GOLGB1: variants seen among roughly 807,000 people sequenced by gnomAD.
GOLGB1 encodes golgin B1, also known as golgin subfamily B member 1.
In GOLGB1, 174 loss-of-function variants were observed where a neutral mutation model predicts 336.9. The observed-to-expected ratio is 0.52, with a 90% CI of 0.46 to 0.59. The LOEUF (loss-of-function observed/expected upper bound fraction) is 0.59, where lower values mean the gene tolerates loss of function less well. Ranked by LOEUF, GOLGB1 falls within the 20% of genes least tolerant of loss-of-function variation. The probability of loss-of-function intolerance (pLI) is 0.00; values close to 1 mark genes in which losing one functional copy is unlikely to be tolerated. For missense variants in GOLGB1, 3,331 were observed against 3,645.3 expected, an observed-to-expected ratio of 0.91 and a Z score of 2.22; for synonymous variants, 1,208 against 1,289.2, an observed-to-expected ratio of 0.94 and a Z score of 1.35.
At chr3:121,677,904 A>G (rs539862545) in intron 15 of GOLGB1, among the ~76,000 whole-genome samples, 1 of 152,216 alleles carries the variant, frequency 6.6e-6, no homozygotes, top group Non-Finnish European at 1.5e-5. Flanking sequence ...ATTCAAGTGC[A>G]TCTGAAGGAC....
Position 121,698,923 on chromosome 3 carries a change from T to C in GOLGB1, c.1600A>G (p.Ile534Val), listed in dbSNP as rs749772587. The C allele has an allele frequency of 3.9e-6, 6 of 1,535,176 alleles. No individual in the cohort carries two copies. Among genetic ancestry groups the C allele is most frequent in the Non-Finnish European group, 5.2e-6 (6 of 1,143,422 alleles). ...EADREVSEIS[I>V]VDIANKRSSS... ...CTCCTCTTGTTGGCAATATCAACAA[T>C]GCTGATCTATTTTTAAAAAAGAAAA... is the stretch of plus-strand genomic sequence containing the variant. The change falls in exon 13 of 22, where the codon ATT (isoleucine) becomes GTT (valine). Residue 534 changes from isoleucine to valine, a missense_variant. By Grantham distance (29) the Ile-to-Val change is conservative (BLOSUM62 3). Coordinates refer to ENST00000614479, the MANE Select transcript of GOLGB1 (RefSeq NM_001366282.2).
Position 121,691,840 on chromosome 3 carries a change from T to C in GOLGB1, c.7524A>G (p.Ala2508=), listed in dbSNP as rs1395918518. 11 of 1,613,104 alleles carry C rather than the reference T, an allele frequency of 6.8e-6. No homozygotes were observed. The highest frequency in any genetic ancestry group is 9.3e-6 in the Non-Finnish European group (11 of 1,179,642). The change falls in exon 14 of 22, where the codon GCA becomes GCG. Residue 2508 remains alanine (A), a synonymous_variant. Transcript: ENST00000614479. ...EKDQLIQEAA[A]ENNKLKEEIR... is the part of the protein sequence containing the mutation. ...TTTCTTCTTTAAGCTTATTATTCTCTGCAGCAGCCTCTTGGATGAGTTGGT... is the reference window on the plus strand; with the variant it reads ...TTTCTTCTTTAAGCTTATTATTCTCCGCAGCAGCCTCTTGGATGAGTTGGT...
chr3:121,734,116 G>T (rs760288365), intron 1 of GOLGB1, among the ~76,000 whole-genome samples: 1 of 152,104 alleles, frequency 6.6e-6, no homozygotes, highest in African/African-American at 2.4e-5. Flanking sequence ...GAAGCCAGGC[G>T]TGGTGGCTCA....
chr3:121,713,018 C>T (rs762975565), intron 10 of GOLGB1, among the ~76,000 whole-genome samples: 48 of 152,080 alleles, frequency 3.2e-4, no homozygotes, highest in Non-Finnish European at 6.0e-4. Flanking sequence ...AAAAATTAGC[C>T]GGGTGTGGTG....
Position 121,669,294 on chromosome 3 carries a change from C to T in GOLGB1, c.9239G>A (p.Ser3080Asn), listed in dbSNP as rs114033767. ...LSIQLCDTSQ[S>N]LRENQQHYGD... ...ATAGTGCTGCTGGTTCTCACGAAGA[C>T]TCTGACTGGTATCGCAGAGCTGAAT... Residue 3080 changes from serine (S) to asparagine (N), a missense_variant, in exon 18 of 22, where the codon AGT becomes AAT. Coordinates refer to ENST00000614479, the MANE Select transcript of GOLGB1 (RefSeq NM_001366282.2). The T allele has an allele frequency of 4.2e-5, 68 of 1,613,934 alleles. No homozygotes were observed. The African/African-American group carries it at 7.5e-4, about 18-fold the overall frequency.
chr3:121,724,560 A>G (rs1341283595), intron 5 of GOLGB1, among the ~76,000 whole-genome samples: 2 of 122,700 alleles, frequency 1.6e-5, no homozygotes, highest in Non-Finnish European at 3.9e-5. Context: ...AAGAAAACAG[A>G]GCAAAAAAAA....
Position 121,694,198 on chromosome 3 carries a change from C to G in GOLGB1, c.6325G>C (p.Glu2109Gln), listed in dbSNP as rs758846149. The change falls in exon 13 of 22, where the codon GAA becomes CAA. Residue 2109 changes from glutamate (E) to glutamine (Q), a missense_variant. Glu to Gln is a conservative substitution (Grantham distance 29, BLOSUM62 2). Transcript: ENST00000614479. Reference sequence around the variant, plus strand: ...ACTGATTCTTTATTTGACTGAAGTTCCTTTTTCAACTTGAGATTGTCTGCT... The same window carrying G: ...ACTGATTCTTTATTTGACTGAAGTTGCTTTTTCAACTTGAGATTGTCTGCT... ...VLADNLKLKK[E>Q]LQSNKESVKS... is the part of the protein sequence containing the mutation. 2 of 1,612,618 alleles carry G rather than the reference C, an allele frequency of 1.2e-6. No homozygotes were observed. Among genetic ancestry groups the G allele is most frequent in the Non-Finnish European group, 1.7e-6 (2 of 1,179,986 alleles).
At chr3:121,747,360 T>C (rs1947416140) in intron 1 of GOLGB1, among the ~76,000 whole-genome samples, 1 of 138,378 alleles carries the variant, frequency 7.2e-6, no homozygotes, top group Admixed American at 7.1e-5. Context: ...TGTATATACG[T>C]ATATATACGT....
At chr3:121,669,420 C>A in intron 17 of GOLGB1, 65 bp from the exon 18 acceptor site, 2 of 1,323,330 alleles carry the variant, frequency 1.5e-6, no homozygotes, top group Non-Finnish European at 2.1e-6. Flanking sequence ...GTGAAATGTT[C>A]TGAGTTTTCA....
At position 121,692,506 on chromosome 3, in the gene GOLGB1, A is replaced by G. The variant is rs758713719; in HGVS notation, c.6858T>C (p.Thr2286=). ...EVQLQQKVCD[T]LQGENKELLS... is the part of the protein sequence containing the mutation. ...AAAGTTCTTTGTTTTCCCCCTGTAG[A>G]GTATCACAGACCTTCTGCTGAAGCT... is the stretch of plus-strand genomic sequence containing the variant. The change falls in exon 14 of 22, where the codon ACT becomes ACC. Residue 2286 remains threonine (T), a synonymous_variant. Coordinates refer to ENST00000614479, the MANE Select transcript of GOLGB1 (RefSeq NM_001366282.2). 2.0e-5 allele frequency: 32 copies of G among 1,613,302 alleles called. No homozygotes were observed. The highest frequency in any genetic ancestry group is 1.6e-4 in the Middle Eastern group (1 of 6,082).
Position 121,714,846 on chromosome 3 carries a change from T to C in GOLGB1, c.1404+15A>G. ...ACAAACAGTTAATATTCATAAGAAG[T>C]TCACATTTAATTACCTGTGTGCCCT... On this transcript the variant is annotated intron_variant, in intron 10 of 21. Coordinates refer to ENST00000614479, the MANE Select transcript of GOLGB1 (RefSeq NM_001366282.2). 1 of 1,408,962 alleles carries C rather than the reference T, an allele frequency of 7.1e-7. No individual in the cohort carries two copies. Among genetic ancestry groups the C allele is most frequent in the African/African-American group, 1.4e-5 (1 of 71,108 alleles). 87.3% of individuals were successfully genotyped at this position (1,408,962 alleles called of 1,614,324 possible).
At chr3:121,748,691 G>T in intron 1 of GOLGB1, 1 of 345,178 alleles carries the variant, frequency 2.9e-6, no homozygotes, top group Non-Finnish European at 4.1e-6. Flanking sequence ...TATGTAAAGA[G>T]CCCTCCACTT....
chr3:121,666,482 C>T lies in GOLGB1; in HGVS notation c.9554+994G>A, dbSNP rs375965325. ...ATGAGGGCACAGGCCTGAAAATGCTCGGCAGAGATGGCAAGACACCACACA... is the reference window on the plus strand; with the variant it reads ...ATGAGGGCACAGGCCTGAAAATGCTTGGCAGAGATGGCAAGACACCACACA... On this transcript the variant is annotated intron_variant, in intron 20 of 21. Coordinates refer to ENST00000614479, the MANE Select transcript of GOLGB1 (RefSeq NM_001366282.2). Among the ~76,000 whole-genome samples, 74 of 152,222 alleles carry T rather than the reference C, an allele frequency of 4.9e-4. No homozygotes were observed. The East Asian group carries it at 8.5e-3, about 18-fold the overall frequency.
chr3:121,671,748 C>T (rs144125874), intron 17 of GOLGB1, among the ~76,000 whole-genome samples: 1 of 152,244 alleles, frequency 6.6e-6, no homozygotes, highest in Non-Finnish European at 1.5e-5. Flanking sequence ...TTTCTTCTAT[C>T]AAACCATGTA....
Position 121,667,575 on chromosome 3 carries a change from C to G in GOLGB1, c.9455G>C (p.Arg3152Thr), listed in dbSNP as rs1253870586. The G allele has an allele frequency of 6.2e-7, 1 of 1,613,994 alleles. No homozygotes were observed. Among genetic ancestry groups the G allele is most frequent in the Admixed American group, 1.7e-5 (1 of 60,024 alleles). ...SEAQQQLCNT[R>T]QEVNELRKLL... ...CTTCCTTAATTCATTCACTTCCTGT[C>G]TGGTGTTGCATAGCTGCTGCTGAGC... Residue 3152 changes from arginine to threonine, a missense_variant, in exon 20 of 22, where the codon AGA (arginine) becomes ACA (threonine). By Grantham distance (71) the Arg-to-Thr change is moderately conservative. Transcript: ENST00000614479.
Position 121,716,997 on chromosome 3 carries a change from A to G in GOLGB1, c.1028T>C (p.Leu343Pro). The change falls in exon 9 of 22, where the codon CTG becomes CCG. Residue 343 changes from leucine (L) to proline (P), a missense_variant. Leu to Pro is a moderately conservative substitution (Grantham distance 98). Transcript: ENST00000614479. ...TAAAAGATGATGCATTTCTTCCTGCAGATTATGGAAGGATAATTTTCTCTC... is the reference window on the plus strand; with the variant it reads ...TAAAAGATGATGCATTTCTTCCTGCGGATTATGGAAGGATAATTTTCTCTC... ...VAERKLSFHN[L>P]QEEMHHLLEQ... 1.2e-6 allele frequency: 2 copies of G among 1,614,032 alleles called. No individual in the cohort carries two copies. Among genetic ancestry groups the G allele is most frequent in the Non-Finnish European group, 1.7e-6 (2 of 1,179,982 alleles).
Position 121,680,687 on chromosome 3 carries a change from C to T in GOLGB1, c.8873+1000G>A, listed in dbSNP as rs190231340. Among the ~76,000 whole-genome samples the T allele has an allele frequency of 7.6e-3, 1,156 of 152,132 alleles. 12 individuals carry two copies. The highest frequency in any genetic ancestry group is 0.026 in the African/African-American group (1,089 of 41,510). On this transcript the variant is annotated intron_variant, in intron 15 of 21. Coordinates refer to ENST00000614479, the MANE Select transcript of GOLGB1 (RefSeq NM_001366282.2). Reference sequence around the variant, plus strand: ...TTGGATTTCATCAAAATTAAAAAGACCCTGTTGAGGGAGATGAAAAGATAA... The same window carrying T: ...TTGGATTTCATCAAAATTAAAAAGATCCTGTTGAGGGAGATGAAAAGATAA...
chr3:121,693,189 T>C (rs1452058249), intron 13 of GOLGB1, among the ~76,000 whole-genome samples: 1 of 152,050 alleles, frequency 6.6e-6, no homozygotes, highest in South Asian at 2.1e-4. Flanking sequence ...GAAATGGAAA[T>C]GAAAAGAAAT....
chr3:121,708,503 C>G lies in GOLGB1; in HGVS notation c.1405-5908G>C, dbSNP rs79352196. ...AAAAAATTTGCCAGGCATGGTGGCACATGCCTGTGGTCCCAGCTATTCAGG... is the reference window on the plus strand; with the variant it reads ...AAAAAATTTGCCAGGCATGGTGGCAGATGCCTGTGGTCCCAGCTATTCAGG... On this transcript the variant is annotated intron_variant, in intron 10 of 21. Transcript: ENST00000614479. Among the ~76,000 whole-genome samples, 1,253 of 152,044 alleles carry G rather than the reference C, an allele frequency of 8.2e-3. 12 individuals are homozygous for G. Among genetic ancestry groups the G allele is most frequent in the African/African-American group, 0.028 (1,163 of 41,494 alleles).
Sources: allele counts gnomAD v4.1 joint callset (sites outside exome capture counted in the v4.1 genomes callset), GRCh38; gene constraint gnomAD v4.1.1; transcripts MANE v1.5; gene names NCBI Gene and HGNC (gene_info 2026-07-23, HGNC 2026-07-21).